Variants in TRIM2 observed in about 807,000 individuals in gnomAD.
TRIM2 encodes the protein tripartite motif containing 2.
A neutral mutation model predicts 75.2 loss-of-function variants in TRIM2; 20 were observed. That is an observed-to-expected ratio of 0.27 (90% CI 0.19 to 0.39). The LOEUF is 0.39. TRIM2 is among the 10% of genes least tolerant of loss of function. The pLI is 1.00. For missense variants in TRIM2, 660 were observed against 990.8 expected (o/e 0.67, Z 4.48); for synonymous variants, 373 against 388.3 (o/e 0.96, Z 0.46).
intron 1 of TRIM2, among the ~76,000 whole-genome samples, chr4:153,263,890 C>G (rs1754242825): frequency 6.6e-6 from 1 of 152,120 alleles, no homozygotes. Flanking sequence ...GGGCACTAAT[C>G]CCATCATAAG....
intron 8 of TRIM2, among the ~76,000 whole-genome samples, chr4:153,319,423 GGCAGGGTTAAAAT>G (rs993036356): frequency 6.6e-5 from 10 of 152,080 alleles, no homozygotes; most frequent in Non-Finnish European, 1.5e-4. Context: ...CCATTCCAAA[GGCAGGGTTAAAAT>G]ATTTTTGCTG....
rs143032564 is a variant in TRIM2, at chr4:153,294,376, G to A, written c.677G>A (p.Ser226Asn). 5.0e-6 allele frequency: 8 copies of A among 1,614,026 alleles called. No homozygotes were observed. Among genetic ancestry groups the A allele is most frequent in the African/African-American group, 2.7e-5 (2 of 74,918 alleles). ...CATCAGTTAACCAACCAAAAGGCCA[G>A]CATCGTGGATGACATTCATTCCACC... ...IIHQLTNQKA[S>N]IVDDIHSTFD... The change falls in exon 5 of 12, where the codon AGC becomes AAC. Residue 226 changes from serine (S) to asparagine (N), a missense_variant. This residue lies in a region of TRIM2 where 620 missense variants were observed against 891.0 expected (regional missense o/e 0.70). Coordinates refer to ENST00000338700, the MANE Select transcript of TRIM2 (RefSeq NM_015271.5).
At chr4:153,196,268 C>CG (rs1553961388) in intron 1 of TRIM2, among the ~76,000 whole-genome samples, 1 of 141,410 alleles carries the variant, frequency 7.1e-6, no homozygotes, top group African/African-American at 3.0e-5. Context: ...CTACCACCCC[C>CG]CCCCACACAC....
intron 6 of TRIM2, among the ~76,000 whole-genome samples, chr4:153,307,209 G>A (rs1765199980): frequency 6.6e-6 from 1 of 152,116 alleles, no homozygotes; most frequent in South Asian, 2.1e-4. Flanking sequence ...ACCATGAGCT[G>A]GTTTTATTAG....
intron 1 of TRIM2, among the ~76,000 whole-genome samples, chr4:153,228,294 C>T (rs1165542572): frequency 6.6e-6 from 1 of 152,182 alleles, no homozygotes; most frequent in African/African-American, 2.4e-5. Context: ...TTAGTACTTC[C>T]TGAGACCTCT....
chr4:153,274,149 A>G (rs1757510393), intron 2 of TRIM2, among the ~76,000 whole-genome samples: 1 of 152,234 alleles, frequency 6.6e-6, no homozygotes. Flanking sequence ...CATGGCTTTC[A>G]TCTCAGATGG....
chr4:153,230,012 G>T (rs1209536222), intron 1 of TRIM2, among the ~76,000 whole-genome samples: 3 of 152,162 alleles, frequency 2.0e-5, no homozygotes, highest in African/African-American at 7.2e-5. Flanking sequence ...GGGGGCCGAG[G>T]GGGACAGGAG....
At chr4:153,327,209 C>G (rs1185745694) in intron 10 of TRIM2, among the ~76,000 whole-genome samples, 4 of 152,068 alleles carry the variant, frequency 2.6e-5, no homozygotes, top group Admixed American at 2.6e-4. Context: ...TCTAAAGAAC[C>G]ACAAAGGTGG....
In TRIM2 at chr4:153,322,747, A is replaced by G; in HGVS notation, c.1882A>G (p.Ile628Val). Residue 628 changes from isoleucine (I) to valine (V), a missense_variant, in exon 9 of 12, where the codon ATC becomes GTC. Ile to Val is a conservative substitution (Grantham distance 29, BLOSUM62 3). Coordinates refer to ENST00000338700, the MANE Select transcript of TRIM2 (RefSeq NM_015271.5). ...VVDNKACCVF[I>V]FQPNGKIVTR... ...GGACAACAAGGCGTGCTGCGTGTTT[A>G]TCTTCCAGCCAAACGGGAAAATAGT... 4 of 1,614,246 alleles carry G rather than the reference A, an allele frequency of 2.5e-6. No individual in the cohort carries two copies. The highest frequency in any genetic ancestry group is 3.4e-6 in the Non-Finnish European group (4 of 1,180,040).
At chr4:153,294,248 A>T in intron 4 of TRIM2, 57 bp from the exon 5 acceptor site, 1 of 1,567,144 alleles carries the variant, frequency 6.4e-7, no homozygotes, top group Non-Finnish European at 8.7e-7. Flanking sequence ...GTTTAGATAG[A>T]TTTTGGAATA....
intron 2 of TRIM2, among the ~76,000 whole-genome samples, chr4:153,272,769 C>T (rs1032849472): frequency 2.6e-5 from 4 of 151,030 alleles, no homozygotes; most frequent in African/African-American, 9.9e-5. Context: ...CTGCGTCCAG[C>T]CGAGAAGATT....
intron 1 of TRIM2, among the ~76,000 whole-genome samples, chr4:153,170,516 A>T (rs967962287): frequency 2.6e-5 from 4 of 152,164 alleles, no homozygotes; most frequent in Middle Eastern, 3.4e-3. Flanking sequence ...GTTGCTTTTT[A>T]AAAAAATCCT....
At chr4:153,228,681 GCA>G (rs1742813018) in intron 1 of TRIM2, among the ~76,000 whole-genome samples, 1 of 152,200 alleles carries the variant, frequency 6.6e-6, no homozygotes, top group Non-Finnish European at 1.5e-5. Context: ...ATCTGTTGTG[GCA>G]CACACGCTGT....
rs1366983708 is a variant in TRIM2, at chr4:153,244,182, CCTCCTTCTTCTTCTCCTCCTTTTCCTT to C, written c.31-26145_31-26119del. On this transcript the variant is annotated intron_variant, in intron 1 of 11. Transcript: ENST00000338700. ...TTCTTCTTCTTCTTCTTCTTCTTCT[CCTCCTTCTTCTTCTCCTCCTTTTCCTT>C]CTCCTTCCTCTTCTCCTCCTTCTTC... 5.6e-4 allele frequency among the ~76,000 whole-genome samples: 52 copies of C among 93,124 alleles called. No homozygotes were observed. The East Asian group carries it at 0.015, about 28-fold the overall frequency. The allele number at this position is 93,124 out of a possible 152,430, so 61.1% of individuals were successfully genotyped here.
chr4:153,303,635 A>G (rs1764396410), intron 6 of TRIM2, among the ~76,000 whole-genome samples: 1 of 152,222 alleles, frequency 6.6e-6, no homozygotes, highest in Non-Finnish European at 1.5e-5. Flanking sequence ...TCACATACAC[A>G]TGTGAGATGG....
At chr4:153,283,335 C>A (rs1430810575) in intron 3 of TRIM2, among the ~76,000 whole-genome samples, 1 of 152,186 alleles carries the variant, frequency 6.6e-6, no homozygotes, top group Admixed American at 6.5e-5. Context: ...TAGAGTCTGG[C>A]TTCCATCAAT....
chr4:153,194,979 C>T (rs556051186), intron 1 of TRIM2, among the ~76,000 whole-genome samples: 114 of 152,290 alleles, frequency 7.5e-4, no homozygotes, highest in African/African-American at 2.7e-3. Context: ...GATATGTCTA[C>T]GTAGAACCAC....
At chr4:153,329,938 C>A (rs1771095212) in intron 11 of TRIM2, among the ~76,000 whole-genome samples, 1 of 151,116 alleles carries the variant, frequency 6.6e-6, no homozygotes, top group African/African-American at 2.4e-5. Context: ...GTAAAACCAA[C>A]AAAACCCTAG....
chr4:153,282,507 A>C (rs959834306), intron 3 of TRIM2, among the ~76,000 whole-genome samples: 1 of 152,254 alleles, frequency 6.6e-6, no homozygotes, highest in Admixed American at 6.5e-5. Flanking sequence ...TGCCTGAGCA[A>C]CAAAGTGAGA....
Sources: allele counts gnomAD v4.1 joint callset (sites outside exome capture counted in the v4.1 genomes callset), GRCh38; gene constraint gnomAD v4.1.1; regional missense constraint gnomAD v4.1.1; transcripts MANE v1.5; gene names NCBI Gene and HGNC (gene_info 2026-07-23, HGNC 2026-07-21).